NR6A1: variants seen among roughly 807,000 people sequenced by gnomAD.
NR6A1 encodes nuclear receptor subfamily 6 group A member 1, also known as retinoic acid receptor-related testis-associated receptor.
Under a neutral mutation model 59.1 loss-of-function variants are expected in NR6A1, and 7 were observed. The observed-to-expected ratio is 0.12, with a 90% CI of 0.07 to 0.22. The LOEUF (loss-of-function observed/expected upper bound fraction) is 0.22. NR6A1 is among the 10% of genes least tolerant of loss of function. NR6A1 has a pLI of 1.00. For synonymous variants in NR6A1, 243 were observed against 236.1 expected (o/e 1.03, Z -0.27); for missense variants, 468 against 611.6 (o/e 0.77, Z 2.48).
intron 9 of NR6A1, 132 bp from the exon 10 acceptor site, chr9:124,522,925 C>T: frequency 1.5e-6 from 1 of 666,216 alleles, no homozygotes; most frequent in Non-Finnish European, 2.6e-6. Context: ...CCAGGAGTAT[C>T]ACAAAGGTTG....
rs577025415 is a variant in NR6A1 at position 124,645,736 on chromosome 9, T to C, written c.142+87572A>G. Among the ~76,000 whole-genome samples, 6 of 152,194 alleles carry C rather than the reference T, an allele frequency of 3.9e-5. No individual in the cohort carries two copies. In the South Asian group the frequency reaches 1.0e-3, roughly 26 times the overall value. On this transcript the variant is annotated intron_variant, in intron 2 of 9. Coordinates refer to ENST00000487099, the MANE Select transcript of NR6A1 (RefSeq NM_033334.4). ...AGAAGGCAGAAATTCATTAAAAACA[T>C]GTTGAACTCAACAGCACTACCAATC...
In NR6A1 at chr9:124,595,928, T is replaced by G. The variant is rs977578205; in HGVS notation, c.143-41358A>C. On this transcript the variant is annotated intron_variant, in intron 2 of 9. Transcript: ENST00000487099. Reference sequence around the variant, plus strand: ...CAGGTCAGTTTACAAGCTGGTCATGTGATTGCAAAGTTCAGGCTCTAAGGT... The same window carrying G: ...CAGGTCAGTTTACAAGCTGGTCATGGGATTGCAAAGTTCAGGCTCTAAGGT... 9 of 716,532 alleles carry G rather than the reference T, an allele frequency of 1.3e-5. No individual in the cohort carries two copies. In the South Asian group the frequency reaches 1.3e-4, roughly 11 times the overall value. The allele number at this position is 716,532 out of a possible 1,614,324, so 44.4% of individuals were successfully genotyped here. A position where few individuals can be genotyped will look rare whatever the true frequency, so the allele number is the denominator to read the frequency against.
intron 4 of NR6A1, among the ~76,000 whole-genome samples, chr9:124,540,610 G>C (rs1245307913): frequency 2.6e-5 from 4 of 152,076 alleles, no homozygotes; most frequent in African/African-American, 7.2e-5. Context: ...GACCAGCCTG[G>C]ACAACACGGT....
chr9:124,571,959 A>G (rs962348882), intron 2 of NR6A1, among the ~76,000 whole-genome samples: 2 of 152,210 alleles, frequency 1.3e-5, no homozygotes, highest in Non-Finnish European at 2.9e-5. Context: ...CCTTAATGAA[A>G]GCCTGCCTAT....
rs117658118 is a variant in NR6A1, at chr9:124,626,615, G to A, written c.143-72045C>T. 4.5e-3 allele frequency among the ~76,000 whole-genome samples: 680 copies of A among 152,286 alleles called. 28 individuals carry two copies. In the East Asian group the frequency reaches 0.094, roughly 21 times the overall value. On this transcript the variant is annotated intron_variant, in intron 2 of 9. Transcript: ENST00000487099. The stretch of plus-strand genomic sequence containing the variant: ...AAAGTCACTTTTTGGCCTGCTGCCT[G>A]GAACTTAAAAGGCTATCCCTAATAA...
At position 124,568,879 on chromosome 9, in the gene NR6A1, C is replaced by T. The variant is rs574548809; in HGVS notation, c.143-14309G>A. Among the ~76,000 whole-genome samples the T allele has an allele frequency of 1.7e-4, 26 of 151,746 alleles. 1 individual carries two copies. The highest frequency in any genetic ancestry group is 5.6e-4 in the African/African-American group (23 of 41,128). Reference sequence around the variant, plus strand: ...CTGTAATCCCAGCACTTTGGGAGGCCGAGGCGGGCGGGTCACGAGGTCAGG... The same window carrying T: ...CTGTAATCCCAGCACTTTGGGAGGCTGAGGCGGGCGGGTCACGAGGTCAGG... On this transcript the variant is annotated intron_variant, in intron 2 of 9. Transcript: ENST00000487099.
chr9:124,756,829 T>C (rs1158406067), intron 1 of NR6A1, among the ~76,000 whole-genome samples: 1 of 152,300 alleles, frequency 6.6e-6, no homozygotes, highest in Non-Finnish European at 1.5e-5. Flanking sequence ...CCGAGATTTT[T>C]AGAGGCAACC....
intron 2 of NR6A1, among the ~76,000 whole-genome samples, chr9:124,596,696 C>A (rs764510171): frequency 6.6e-6 from 1 of 152,202 alleles, no homozygotes; most frequent in Non-Finnish European, 1.5e-5. Flanking sequence ...GATTCATGAA[C>A]CACACCAGCA....
intron 2 of NR6A1, among the ~76,000 whole-genome samples, chr9:124,588,919 C>CAAA: frequency 1.9e-5 from 1 of 52,482 alleles, no homozygotes; most frequent in African/African-American, 7.8e-5. Context: ...GACTCTGTCT[C>CAAA]AAAAAAAAAA....
rs1047535719 is a variant in NR6A1 at position 124,576,618 on chromosome 9, A to T, written c.143-22048T>A. 2.0e-5 allele frequency among the ~76,000 whole-genome samples: 3 copies of T among 152,292 alleles called. No individual in the cohort carries two copies. The East Asian group carries it at 5.8e-4, about 29-fold the overall frequency. ...CACAAGCTTTGTATCCCAGTTAGTC[A>T]TTATTTTAGCTGTGTGACTTAATGT... On this transcript the variant is annotated intron_variant, in intron 2 of 9. Coordinates refer to ENST00000487099, the MANE Select transcript of NR6A1 (RefSeq NM_033334.4).
At chr9:124,636,737 A>T (rs1213503614) in intron 2 of NR6A1, among the ~76,000 whole-genome samples, 4 of 152,164 alleles carry the variant, frequency 2.6e-5, no homozygotes, top group Non-Finnish European at 5.9e-5. Context: ...ATTTACAAGG[A>T]TCTAATTCTA....
intron 2 of NR6A1, among the ~76,000 whole-genome samples, chr9:124,682,985 C>T (rs544958031): frequency 1.3e-5 from 2 of 152,028 alleles, no homozygotes; most frequent in South Asian, 2.1e-4. Context: ...GTGGGAGGAT[C>T]GCTTGAGTCC....
At chr9:124,755,922 G>T (rs182313445) in intron 1 of NR6A1, among the ~76,000 whole-genome samples, 1 of 152,264 alleles carries the variant, frequency 6.6e-6, no homozygotes, top group African/African-American at 2.4e-5. Flanking sequence ...ATGGGGAAAA[G>T]ATAGATCTTT....
chr9:124,630,953 G>A (rs1836424362), intron 2 of NR6A1, among the ~76,000 whole-genome samples: 1 of 152,028 alleles, frequency 6.6e-6, no homozygotes, highest in Non-Finnish European at 1.5e-5. Context: ...GATTACAGGC[G>A]TGAGCCACTA....
chr9:124,561,108 TATTATATTAA>T (rs1834073828), intron 2 of NR6A1, among the ~76,000 whole-genome samples: 1 of 151,946 alleles, frequency 6.6e-6, no homozygotes, highest in Non-Finnish European at 1.5e-5. Context: ...GTGGATATTA[TATTATATTAA>T]ATTATATTAA....
At chr9:124,745,113 T>C (rs921533952) in intron 1 of NR6A1, among the ~76,000 whole-genome samples, 2 of 152,156 alleles carry the variant, frequency 1.3e-5, no homozygotes, top group Non-Finnish European at 2.9e-5. Flanking sequence ...AATGATTAAA[T>C]TATGTACACT....
intron 2 of NR6A1, among the ~76,000 whole-genome samples, chr9:124,607,925 A>T (rs1431997118): frequency 1.3e-5 from 2 of 152,148 alleles, no homozygotes. Context: ...CAAGCAAGCC[A>T]GTCAGCCATG....
chr9:124,676,686 A>G (rs1013158425), intron 2 of NR6A1, among the ~76,000 whole-genome samples: 4 of 152,214 alleles, frequency 2.6e-5, no homozygotes, highest in Non-Finnish European at 5.9e-5. Flanking sequence ...ATAAAGAATC[A>G]GTTTATAGAG....
At chr9:124,579,474 T>G (rs1302545841) in intron 2 of NR6A1, among the ~76,000 whole-genome samples, 1 of 152,104 alleles carries the variant, frequency 6.6e-6, no homozygotes, top group African/African-American at 2.4e-5. Flanking sequence ...GGAGGGTCAC[T>G]TGAGCCTGGG....
Sources: allele counts gnomAD v4.1 joint callset (sites outside exome capture counted in the v4.1 genomes callset), GRCh38; gene constraint gnomAD v4.1.1; transcripts MANE v1.5; gene names NCBI Gene and HGNC (gene_info 2026-07-23, HGNC 2026-07-21).